The following ILKAP variants were observed in gnomAD, a reference collection of about 807,000 sequenced individuals.
The protein encoded by ILKAP is integrin-linked kinase-associated serine/threonine phosphatase 2C.
A neutral mutation model predicts 49.1 loss-of-function variants in ILKAP; 11 were observed. That is an observed-to-expected ratio of 0.22 (90% CI 0.14 to 0.37). ILKAP has a LOEUF of 0.37. Ranked by LOEUF, ILKAP falls within the 10% of genes least tolerant of loss-of-function variation. The pLI is 1.00. For synonymous variants in ILKAP, 186 were observed against 192.8 expected, an observed-to-expected ratio of 0.96 and a Z score of 0.29; for missense variants, 363 against 510.8, an observed-to-expected ratio of 0.71 and a Z score of 2.79.
intron 3 of ILKAP, among the ~76,000 whole-genome samples, chr2:238,193,401 A>C (rs562132272): frequency 1.3e-5 from 2 of 152,256 alleles, no homozygotes; most frequent in East Asian, 3.9e-4. Flanking sequence ...TTGTATTTTT[A>C]GTAGAGACAG....
In ILKAP at chr2:238,182,146, G is replaced by A. The variant is rs1559292335; in HGVS notation, c.755C>T (p.Ala252Val). 3 of 1,613,732 alleles carry A rather than the reference G, an allele frequency of 1.9e-6. No individual in the cohort carries two copies. Among genetic ancestry groups the A allele is most frequent in the Non-Finnish European group, 2.5e-6 (3 of 1,179,706 alleles). The part of the protein sequence containing the change: ...CRYNEESQKH[A>V]ALSLSKEHNP... The stretch of plus-strand genomic sequence containing the variant: ...ATGCTCTTTGCTGAGGCTTAAGGCT[G>A]CATGTTTTTGACTCTCCTCATTATA... Residue 252 changes from alanine (A) to valine (V), a missense_variant, in exon 9 of 12, where the codon GCA (alanine) becomes GTA (valine). Ala to Val is a moderately conservative substitution (Grantham distance 64, BLOSUM62 0). Coordinates refer to ENST00000254654, the MANE Select transcript of ILKAP (RefSeq NM_030768.3).
chr2:238,188,324 G>T, intron 4 of ILKAP, 67 bp from the exon 5 acceptor site: 4 of 1,550,610 alleles, frequency 2.6e-6, no homozygotes, highest in Non-Finnish European at 2.6e-6. Context: ...CCTAGTCCCA[G>T]AGCAAATGAG....
In ILKAP at chr2:238,203,571, G is replaced by A. The variant is rs537743540; in HGVS notation, c.-18C>T. On this transcript the variant is annotated 5_prime_UTR_variant, in exon 1 of 12. Coordinates refer to ENST00000254654, the MANE Select transcript of ILKAP (RefSeq NM_030768.3). ...AGGTCCATGGCGGAGGCTGGGTGGAGGCGGCAGCAGCGACAGACACTCAGC... is the reference window on the plus strand; with the variant it reads ...AGGTCCATGGCGGAGGCTGGGTGGAAGCGGCAGCAGCGACAGACACTCAGC... The A allele has an allele frequency of 3.4e-5, 39 of 1,152,216 alleles. 1 individual carries two copies. In the South Asian group the frequency reaches 1.2e-3, roughly 35 times the overall value. The allele number at this position is 1,152,216 out of a possible 1,614,324, so 71.4% of individuals were successfully genotyped here.
chr2:238,203,088 G>A (rs1421692611), intron 1 of ILKAP, among the ~76,000 whole-genome samples: 1 of 151,708 alleles, frequency 6.6e-6, no homozygotes, highest in Non-Finnish European at 1.5e-5. Flanking sequence ...AGTGCGGCCC[G>A]GAAGCCGCGG....
chr2:238,192,342 A>G (rs1177218734), intron 3 of ILKAP, among the ~76,000 whole-genome samples: 1 of 152,234 alleles, frequency 6.6e-6, no homozygotes, highest in Non-Finnish European at 1.5e-5. Context: ...GAAACAGATC[A>G]TTGAGGCTTA....
At chr2:238,203,472 G>A in intron 1 of ILKAP, 27 bp downstream of exon 1, 7 of 1,231,412 alleles carry the variant, frequency 5.7e-6, no homozygotes, top group Non-Finnish European at 7.2e-6. Flanking sequence ...TCCCTTCCCT[G>A]GCCGGCCCGG....
At chr2:238,191,952 C>T (rs1200551188) in intron 3 of ILKAP, among the ~76,000 whole-genome samples, 1 of 150,770 alleles carries the variant, frequency 6.6e-6, no homozygotes, top group Non-Finnish European at 1.5e-5. Flanking sequence ...GCGGCTCATG[C>T]CTGTAATCCC....
intron 9 of ILKAP, among the ~76,000 whole-genome samples, chr2:238,179,253 C>G (rs1041229039): frequency 1.3e-5 from 2 of 152,148 alleles, no homozygotes; most frequent in Admixed American, 1.3e-4. Context: ...AGTTGGCACA[C>G]AGTGATTCAC....
intron 1 of ILKAP, among the ~76,000 whole-genome samples, chr2:238,199,392 A>C (rs752673352): frequency 1.4e-4 from 22 of 152,250 alleles, no homozygotes; most frequent in Non-Finnish European, 2.9e-4. Context: ...ACTTTATGAG[A>C]AAGTCTACTT....
In ILKAP at chr2:238,201,957, G is replaced by A. The variant is rs187533631; in HGVS notation, c.55+1542C>T. Among the ~76,000 whole-genome samples the A allele has an allele frequency of 3.3e-3, 507 of 152,300 alleles. 5 individuals are homozygous for A. The highest frequency in any genetic ancestry group is 0.012 in the African/African-American group (483 of 41,578). On this transcript the variant is annotated intron_variant, in intron 1 of 11. Coordinates refer to ENST00000254654, the MANE Select transcript of ILKAP (RefSeq NM_030768.3). The stretch of plus-strand genomic sequence containing the variant: ...CGGTCAGTGGGGGCAGGGCACGGTG[G>A]CTCACACCTGTAATCCCAGCAATTT...
intron 3 of ILKAP, among the ~76,000 whole-genome samples, chr2:238,191,153 CTTT>C (rs770071645): frequency 3.5e-5 from 5 of 142,182 alleles, no homozygotes; most frequent in East Asian, 2.0e-4. Flanking sequence ...CACAAGGTGT[CTTT>C]TTTTTTTTTT....
intron 9 of ILKAP, among the ~76,000 whole-genome samples, chr2:238,175,015 C>T (rs1434592403): frequency 1.3e-5 from 2 of 152,164 alleles, no homozygotes; most frequent in African/African-American, 4.8e-5. Flanking sequence ...CAAGTAGCTA[C>T]CAGCAACTTC....
intron 9 of ILKAP, among the ~76,000 whole-genome samples, chr2:238,176,352 T>C (rs1022597035): frequency 1.3e-5 from 2 of 152,042 alleles, no homozygotes; most frequent in African/African-American, 4.8e-5. Flanking sequence ...AGGCTGGTCT[T>C]GAACTCCTGA....
intron 9 of ILKAP, among the ~76,000 whole-genome samples, chr2:238,179,276 G>A (rs1693592453): frequency 6.6e-6 from 1 of 152,224 alleles, no homozygotes; most frequent in African/African-American, 2.4e-5. Flanking sequence ...AGGAAGGATG[G>A]AGGGAAAGAA....
chr2:238,172,527 T>C (rs189961074), intron 10 of ILKAP, among the ~76,000 whole-genome samples: 79 of 152,004 alleles, frequency 5.2e-4, no homozygotes, highest in African/African-American at 1.8e-3. Context: ...GAAGGCGAGC[T>C]AGGAAGCAAA....
chr2:238,186,260 A>AT, intron 5 of ILKAP: 1 of 152,374 alleles, frequency 6.6e-6, no homozygotes, highest in Non-Finnish European at 1.5e-5. Context: ...ACTGCACTAA[A>AT]TACCATAGGC....
chr2:238,188,168 C>T lies in ILKAP; in HGVS notation c.388G>A (p.Asp130Asn), dbSNP rs747013380. The change falls in exon 5 of 12, where the codon GAC becomes AAC. Residue 130 changes from aspartate (D) to asparagine (N), a missense_variant. Asp to Asn is a conservative substitution (Grantham distance 23, BLOSUM62 1). Transcript: ENST00000254654. ...EMQDAHVILN[D>N]ITEECRPPSS... ...GGGGGCCTACACTCCTCGGTGATGTCGTTCAGGATGACGTGGGCATCCTGC... is the reference window on the plus strand; with the variant it reads ...GGGGGCCTACACTCCTCGGTGATGTTGTTCAGGATGACGTGGGCATCCTGC... 2 of 1,614,144 alleles carry T rather than the reference C, an allele frequency of 1.2e-6. No homozygotes were observed. Among genetic ancestry groups the T allele is most frequent in the Non-Finnish European group, 1.7e-6 (2 of 1,180,018 alleles).
At position 238,170,460 on chromosome 2, in the gene ILKAP, A is replaced by G; in HGVS notation, c.*76T>C. The G allele has an allele frequency of 1.0e-5, 15 of 1,478,980 alleles. No individual in the cohort carries two copies. The highest frequency in any genetic ancestry group is 1.4e-5 in the Non-Finnish European group (15 of 1,098,558). The allele number at this position is 1,478,980 out of a possible 1,614,324, so 91.6% of individuals were successfully genotyped here. A position where few individuals can be genotyped will look rare whatever the true frequency, so the allele number is the denominator to read the frequency against. On this transcript the variant is annotated 3_prime_UTR_variant, in exon 12 of 12. Transcript: ENST00000254654. ...CATGGGAGTCCCACAGGAGTACACA[A>G]AACACACAATGTGCACACACACAAA...
rs1470114297 is a variant in ILKAP, at chr2:238,197,816, A to G, written c.56-2946T>C. 2.0e-5 allele frequency among the ~76,000 whole-genome samples: 3 copies of G among 152,192 alleles called. No individual in the cohort carries two copies. The East Asian group carries it at 5.8e-4, about 29-fold the overall frequency. On this transcript the variant is annotated intron_variant, in intron 1 of 11. Coordinates refer to ENST00000254654, the MANE Select transcript of ILKAP (RefSeq NM_030768.3). ...CTGGGAATGGCTTCTAAAAATGATAATACTGCCTGCCTGTCAGGCACTATT... is the reference window on the plus strand; with the variant it reads ...CTGGGAATGGCTTCTAAAAATGATAGTACTGCCTGCCTGTCAGGCACTATT...
Sources: gnomAD v4.1 joint callset for allele counts (sites outside exome capture counted in the v4.1 genomes callset) on GRCh38, gnomAD v4.1.1 for gene constraint, MANE v1.5 for transcripts, NCBI Gene and HGNC (gene_info 2026-07-23, HGNC 2026-07-21) for gene names.